BAIAP2: variants seen among roughly 807,000 people sequenced by gnomAD.
The protein encoded by BAIAP2 is BAR/IMD domain-containing adapter protein 2.
Under a neutral mutation model 63.0 loss-of-function variants are expected in BAIAP2, and 18 were observed. The ratio of observed to expected loss-of-function variants is 0.29; its 90% CI spans 0.20 to 0.42. BAIAP2 has a LOEUF of 0.42. BAIAP2 is among the 10% of genes least tolerant of loss of function. The pLI, the probability that BAIAP2 is intolerant of heterozygous loss-of-function variation, is 1.00. For synonymous variants in BAIAP2, 386 were observed against 307.6 expected (o/e 1.25, Z -2.67); for missense variants, 610 against 734.3 (o/e 0.83, Z 1.96).
At position 81,056,127 on chromosome 17, in the gene BAIAP2, C is replaced by T. The variant is rs573725517; in HGVS notation, c.131-1754C>T. 3.9e-5 allele frequency among the ~76,000 whole-genome samples: 6 copies of T among 152,262 alleles called. No individual in the cohort carries two copies. In the South Asian group the frequency reaches 6.2e-4, roughly 16 times the overall value. On this transcript the variant is annotated intron_variant, in intron 2 of 13. Coordinates refer to ENST00000428708, the MANE Select transcript of BAIAP2 (RefSeq NM_001144888.2). The stretch of plus-strand genomic sequence containing the variant: ...AATGTTGACGCTGGAGAGAGGCTCC[C>T]GAATCAGAGTAGGAAGGCTGAGGCC...
chr17:81,071,784 A>G (rs759407461), intron 3 of BAIAP2, among the ~76,000 whole-genome samples: 7 of 152,346 alleles, frequency 4.6e-5, no homozygotes, highest in Non-Finnish European at 8.8e-5. Flanking sequence ...TGTGGCTCAC[A>G]TTCTGCCATC....
chr17:81,108,950 C>T, intron 13 of BAIAP2: 1 of 1,547,132 alleles, frequency 6.5e-7, no homozygotes. Flanking sequence ...GGCAGCCGTC[C>T]TGTGCTTTGT....
rs535860069 is a variant in BAIAP2 at position 81,112,928 on chromosome 17, C to T, written c.1536-2842C>T. The stretch of plus-strand genomic sequence containing the variant: ...AAAATTAGCCAGGCATGGTGGCACG[C>T]GTCTGTAGTCCCAGCTTCTCAGGAG... On this transcript the variant is annotated intron_variant, in intron 13 of 13. Transcript: ENST00000428708. Among the ~76,000 whole-genome samples, 14 of 152,190 alleles carry T rather than the reference C, an allele frequency of 9.2e-5. No homozygotes were observed. The South Asian group carries it at 1.7e-3, about 18-fold the overall frequency.
At chr17:81,104,229 T>C (rs896580181) in intron 9 of BAIAP2, 121 bp downstream of exon 9, 32 of 1,120,672 alleles carry the variant, frequency 2.9e-5, no homozygotes, top group Non-Finnish European at 3.9e-5. Flanking sequence ...TATGTGACCG[T>C]GTGTACCTAC....
rs569251018 is a variant in BAIAP2 at position 81,116,615 on chromosome 17, G to T, written c.*776G>T. ...AGGTGGGGGCTTCCCCGCTTCCGGG[G>T]TCTGCCCCAGGACTCCTGGGTGGAC... On this transcript the variant is annotated 3_prime_UTR_variant, in exon 14 of 14. Transcript: ENST00000428708. 69 of 435,258 alleles carry T rather than the reference G, an allele frequency of 1.6e-4. No individual in the cohort carries two copies. Among genetic ancestry groups the T allele is most frequent in the African/African-American group, 1.3e-3 (66 of 50,744 alleles). The allele number at this position is 435,258 out of a possible 1,614,324, so 27.0% of individuals were successfully genotyped here.
At chr17:81,037,107 T>A in intron 1 of BAIAP2, 1 of 726,990 alleles carries the variant, frequency 1.4e-6, no homozygotes. Flanking sequence ...AGGAAAACTC[T>A]TAGGACTGAG....
chr17:81,089,509 G>T lies in BAIAP2; in HGVS notation c.489+2929G>T, dbSNP rs575611464. ...GTGGCTGGTGGCTGGGCCCGTCCTG[G>T]GGCCCCTTGAGTGCCCTTTCGTGGT... On this transcript the variant is annotated intron_variant, in intron 6 of 13. Transcript: ENST00000428708. Among the ~76,000 whole-genome samples, 26 of 152,290 alleles carry T rather than the reference G, an allele frequency of 1.7e-4. No individual in the cohort carries two copies. The East Asian group carries it at 4.6e-3, about 27-fold the overall frequency.
chr17:81,051,634 C>T (rs754011299), intron 1 of BAIAP2, among the ~76,000 whole-genome samples: 14 of 152,090 alleles, frequency 9.2e-5, no homozygotes, highest in African/African-American at 3.1e-4. Context: ...CCTCGTGATC[C>T]GCCTGCCTTG....
rs979103192 is a variant in BAIAP2, at chr17:81,098,064, C to T, written c.490-1864C>T. On this transcript the variant is annotated intron_variant, in intron 6 of 13. Coordinates refer to ENST00000428708, the MANE Select transcript of BAIAP2 (RefSeq NM_001144888.2). ...CACGCGCTACCCCAGACCTCAGGCACATGATCCCCAGGCCAGCTGGGGTCA... is the reference window on the plus strand; with the variant it reads ...CACGCGCTACCCCAGACCTCAGGCATATGATCCCCAGGCCAGCTGGGGTCA... 8.8e-6 allele frequency: 11 copies of T among 1,256,932 alleles called. No homozygotes were observed. The African/African-American group carries it at 1.5e-4, about 18-fold the overall frequency. 77.9% of individuals were successfully genotyped at this position (1,256,932 alleles called of 1,614,324 possible). A position where few individuals can be genotyped will look rare whatever the true frequency, so the allele number is the denominator to read the frequency against.
chr17:81,054,868 A>T (rs1329684781), intron 2 of BAIAP2, among the ~76,000 whole-genome samples: 1 of 151,816 alleles, frequency 6.6e-6, no homozygotes, highest in East Asian at 1.9e-4. Context: ...TGCCCTTCTC[A>T]CCTGCCCTGT....
At position 81,102,862 on chromosome 17, in the gene BAIAP2, A is replaced by AG. The variant is rs552747238; in HGVS notation, c.643-636dup. On this transcript the variant is annotated intron_variant, in intron 7 of 13. Coordinates refer to ENST00000428708, the MANE Select transcript of BAIAP2 (RefSeq NM_001144888.2). ...AGCCTGCTTAGGCCAAATGGCCAGG[A>AG]GGGGCAGGGGTTACTTGATTAGCTC... Among the ~76,000 whole-genome samples, 54 of 152,300 alleles carry AG rather than the reference A, an allele frequency of 3.5e-4. 1 individual carries two copies. The East Asian group carries it at 7.4e-3, about 21-fold the overall frequency.
At chr17:81,077,499 C>A (rs947871849) in intron 3 of BAIAP2, among the ~76,000 whole-genome samples, 7 of 151,080 alleles carry the variant, frequency 4.6e-5, no homozygotes, top group Non-Finnish European at 1.0e-4. Flanking sequence ...ACCCGGGAGG[C>A]GGAGGTTGCA....
chr17:81,095,604 C>T (rs1052055390), intron 6 of BAIAP2, among the ~76,000 whole-genome samples: 37 of 152,182 alleles, frequency 2.4e-4, no homozygotes, highest in African/African-American at 8.9e-4. Context: ...GCCAGATGCT[C>T]ATGTGGGGGC....
chr17:81,101,349 C>T (rs1416018297), intron 7 of BAIAP2, among the ~76,000 whole-genome samples: 1 of 152,130 alleles, frequency 6.6e-6, no homozygotes, highest in Non-Finnish European at 1.5e-5. Flanking sequence ...TGACTTAGCC[C>T]CCAGAGCAGG....
intron 3 of BAIAP2, among the ~76,000 whole-genome samples, chr17:81,066,293 A>G (rs1209399393): frequency 2.0e-5 from 3 of 152,242 alleles, no homozygotes; most frequent in Non-Finnish European, 4.4e-5. Flanking sequence ...GGAGAGTGGC[A>G]GGAGCTCCCT....
intron 13 of BAIAP2, among the ~76,000 whole-genome samples, chr17:81,112,126 T>C (rs2059994278): frequency 1.3e-5 from 2 of 152,202 alleles, no homozygotes; most frequent in Admixed American, 1.3e-4. Context: ...CTTCCTCCCT[T>C]CCGAGACGCT....
chr17:81,109,891 C>CT, intron 13 of BAIAP2: 1 of 985,186 alleles, frequency 1.0e-6, no homozygotes, highest in South Asian at 4.7e-5. Flanking sequence ...GCAGGGTGTG[C>CT]GGGCCGGGCC....
At chr17:81,037,758 T>G (rs1371155668) in intron 1 of BAIAP2, among the ~76,000 whole-genome samples, 1 of 152,222 alleles carries the variant, frequency 6.6e-6, no homozygotes, top group African/African-American at 2.4e-5. Context: ...GCGGCTCAGC[T>G]GTTTGGTTTG....
intron 6 of BAIAP2, among the ~76,000 whole-genome samples, chr17:81,099,299 C>T (rs1345239672): frequency 5.9e-5 from 9 of 152,196 alleles, no homozygotes; most frequent in African/African-American, 2.2e-4. Context: ...GCGTCCCGCT[C>T]CCCGTCATTC....
Sources: allele counts gnomAD v4.1 joint callset (sites outside exome capture counted in the v4.1 genomes callset), GRCh38; gene constraint gnomAD v4.1.1; transcripts MANE v1.5; gene names NCBI Gene and HGNC (gene_info 2026-07-23, HGNC 2026-07-21).